Variants in TNNI3K observed in about 807,000 individuals in gnomAD.
TNNI3K encodes the protein TNNI3 interacting kinase, also known as serine/threonine-protein kinase TNNI3K.
Under a neutral mutation model 114.5 loss-of-function variants are expected in TNNI3K, and 140 were observed. The observed-to-expected ratio is 1.22, with a 90% CI of 1.07 to 1.41. The LOEUF is 1.41. Among genes scored for constraint, TNNI3K ranks in the 40% most tolerant of loss-of-function variants. TNNI3K has a pLI of 0.00. For missense variants in TNNI3K, 1,125 were observed against 1,007.6 expected, an observed-to-expected ratio of 1.12 and a Z score of -1.58; for synonymous variants, 347 against 347.5, an observed-to-expected ratio of 1.00 and a Z score of 0.02.
intron 9 of TNNI3K, among the ~76,000 whole-genome samples, chr1:74,351,171 A>G (rs1462917400): frequency 4.6e-5 from 7 of 152,014 alleles, no homozygotes; most frequent in Non-Finnish European, 1.0e-4. Context: ...GGTGGTGACA[A>G]AATCTCTCAG....
chr1:74,445,044 T>A (rs1208481805), intron 20 of TNNI3K, among the ~76,000 whole-genome samples: 1 of 152,070 alleles, frequency 6.6e-6, no homozygotes, highest in African/African-American at 2.4e-5. Context: ...CCAGATGGAT[T>A]AAAGACTTAA....
At chr1:74,445,858 C>T (rs986484699) in intron 20 of TNNI3K, among the ~76,000 whole-genome samples, 2 of 152,152 alleles carry the variant, frequency 1.3e-5, no homozygotes, top group African/African-American at 4.8e-5. Flanking sequence ...GATCCGCCCA[C>T]CTTGGCCTCC....
chr1:74,508,663 A>G (rs578030721), intron 23 of TNNI3K, among the ~76,000 whole-genome samples: 28 of 152,336 alleles, frequency 1.8e-4, no homozygotes, highest in South Asian at 4.1e-4. Flanking sequence ...GAAAACCAAC[A>G]GCAAGCTATA....
chr1:74,506,089 TA>T (rs751862513), intron 23 of TNNI3K, among the ~76,000 whole-genome samples: 1 of 152,136 alleles, frequency 6.6e-6, no homozygotes, highest in Non-Finnish European at 1.5e-5. Context: ...GCCCGGGTCC[TA>T]GGGGGATATG....
intron 21 of TNNI3K, chr1:74,471,979 C>A (rs1667954277): frequency 4.8e-6 from 3 of 626,838 alleles, no homozygotes; most frequent in Non-Finnish European, 8.7e-6. Context: ...ATATTTTGAT[C>A]TATTTTTTTG....
intron 17 of TNNI3K, among the ~76,000 whole-genome samples, chr1:74,428,207 G>A (rs1665725963): frequency 6.6e-6 from 1 of 152,032 alleles, no homozygotes; most frequent in Non-Finnish European, 1.5e-5. Context: ...CATGATAGGG[G>A]CTTTGGTAAA....
intron 7 of TNNI3K, 118 bp downstream of exon 7, chr1:74,336,267 T>G (rs1173324193): frequency 1.6e-6 from 2 of 1,289,778 alleles, no homozygotes; most frequent in East Asian, 5.9e-5. Flanking sequence ...CATGTACTTA[T>G]TTGCTCCACA....
At chr1:74,365,352 G>T (rs1557522649) in intron 11 of TNNI3K, among the ~76,000 whole-genome samples, 1 of 151,946 alleles carries the variant, frequency 6.6e-6, no homozygotes, top group African/African-American at 2.4e-5. Context: ...TACATCAGTC[G>T]CAGTCAAAGT....
At chr1:74,325,671 G>A (rs557589300) in intron 5 of TNNI3K, among the ~76,000 whole-genome samples, 1 of 152,272 alleles carries the variant, frequency 6.6e-6, no homozygotes, top group East Asian at 1.9e-4. Context: ...ATTGTAGTGG[G>A]CTGAGGAGTG....
intron 23 of TNNI3K, among the ~76,000 whole-genome samples, chr1:74,502,624 G>T (rs748218296): frequency 1.3e-5 from 2 of 152,146 alleles, no homozygotes; most frequent in African/African-American, 4.8e-5. Flanking sequence ...GAACTACCTC[G>T]CACTTAAACT....
At chr1:74,236,262 C>G in intron 2 of TNNI3K, 52 bp downstream of exon 2, 1 of 1,498,678 alleles carries the variant, frequency 6.7e-7, no homozygotes, top group Non-Finnish European at 9.1e-7. Context: ...CAGTATTCAC[C>G]TTATTTTTTA....
intron 20 of TNNI3K, among the ~76,000 whole-genome samples, chr1:74,449,430 A>G (rs1666881448): frequency 6.6e-6 from 1 of 151,898 alleles, no homozygotes; most frequent in African/African-American, 2.4e-5. Flanking sequence ...GGATTCATTG[A>G]TTTTTTGAAT....
chr1:74,307,920 G>A (rs1282285289), intron 5 of TNNI3K, among the ~76,000 whole-genome samples: 1 of 152,082 alleles, frequency 6.6e-6, no homozygotes, highest in African/African-American at 2.4e-5. Context: ...CCGAGATTGT[G>A]CCACTGCACT....
At chr1:74,453,352 A>T (rs1216520148) in intron 20 of TNNI3K, among the ~76,000 whole-genome samples, 1 of 152,210 alleles carries the variant, frequency 6.6e-6, no homozygotes, top group Non-Finnish European at 1.5e-5. Context: ...ATCAAGAAAC[A>T]AGATGTCTAA....
At chr1:74,366,557 A>T (rs1662282329) in intron 11 of TNNI3K, 2 of 151,988 alleles carry the variant, frequency 1.3e-5, no homozygotes, top group African/African-American at 4.8e-5. Flanking sequence ...TCTAGCCAGC[A>T]AATGGGAAGA....
chr1:74,475,337 C>T (rs1386206430), intron 21 of TNNI3K: 1 of 708,398 alleles, frequency 1.4e-6, no homozygotes, highest in South Asian at 1.5e-5. Flanking sequence ...TGAGGCTGGA[C>T]TTCTCCAGGC....
chr1:74,442,102 C>A (rs1470920836), intron 20 of TNNI3K, among the ~76,000 whole-genome samples: 1 of 151,740 alleles, frequency 6.6e-6, no homozygotes, highest in Non-Finnish European at 1.5e-5. Context: ...TTTATAAGAT[C>A]TATTTTGAGT....
intron 17 of TNNI3K, among the ~76,000 whole-genome samples, chr1:74,417,674 G>A (rs1665183897): frequency 8.6e-6 from 1 of 116,418 alleles, no homozygotes; most frequent in Non-Finnish European, 1.7e-5. Flanking sequence ...GGAGAAAAGT[G>A]TACGTGTTTG....
chr1:74,483,746 A>C (rs1180895178), intron 21 of TNNI3K, among the ~76,000 whole-genome samples: 2 of 152,204 alleles, frequency 1.3e-5, no homozygotes, highest in African/African-American at 4.8e-5. Flanking sequence ...TGGTTAGCAA[A>C]CCATCCTAAA....
Sources: allele counts gnomAD v4.1 joint callset (sites outside exome capture counted in the v4.1 genomes callset), GRCh38; gene constraint gnomAD v4.1.1; transcripts MANE v1.5; gene names NCBI Gene and HGNC (gene_info 2026-07-23, HGNC 2026-07-21).